ZNF548: variants seen among roughly 807,000 people sequenced by gnomAD.
ZNF548 encodes the protein zinc finger protein 548.
Under a neutral mutation model 10.2 loss-of-function variants are expected in ZNF548, and 10 were observed. That is an observed-to-expected ratio of 0.98 (90% confidence interval 0.60 to 1.66). The LOEUF is 1.66. Among genes scored for constraint, ZNF548 ranks in the 40% most tolerant of loss-of-function variants. The probability of loss-of-function intolerance (pLI) is 0.00; values close to 1 mark genes in which losing one functional copy is unlikely to be tolerated. For synonymous variants in ZNF548, 217 were observed against 223.5 expected, an observed-to-expected ratio of 0.97 and a Z score of 0.26; for missense variants, 599 against 657.0, an observed-to-expected ratio of 0.91 and a Z score of 0.97.
intron 2 of ZNF548, among the ~76,000 whole-genome samples, chr19:57,396,478 G>T (rs2123042493): frequency 6.6e-6 from 1 of 152,356 alleles, no homozygotes; most frequent in East Asian, 1.9e-4. Context: ...ATTGAGCAAG[G>T]AATGGAGGCG....
chr19:57,399,596 A>C lies in ZNF548; in HGVS notation c.1345A>C (p.Ile449Leu), dbSNP rs1315292951. 1.2e-6 allele frequency: 2 copies of C among 1,613,664 alleles called. No homozygotes were observed. The highest frequency in any genetic ancestry group is 2.7e-5 in the African/African-American group (2 of 74,794). ...GKFFRYNSNL[I>L]KHWRNHTGER... ...ATTCTTTCGTTACAACTCCAACCTC[A>C]TTAAACATTGGAGAAATCACACTGG... The change falls in exon 4 of 4, where the codon ATT becomes CTT. Residue 449 changes from isoleucine to leucine, a missense_variant. Ile to Leu is a conservative substitution (Grantham distance 5). Coordinates refer to ENST00000336128, the MANE Select transcript of ZNF548 (RefSeq NM_001172773.2). The surrounding 1 kb of genome is among the most constrained non-coding windows in gnomAD (Gnocchi z 4.0).
intron 1 of ZNF548, among the ~76,000 whole-genome samples, chr19:57,391,026 T>C (rs558609287): frequency 1.3e-5 from 2 of 152,266 alleles, no homozygotes; most frequent in South Asian, 4.1e-4. Context: ...ATTTGCATAG[T>C]GGTCAAGTCT....
rs1278818673 is a variant in ZNF548 at position 57,401,775 on chromosome 19, G to A, written c.*1886G>A. On this transcript the variant is annotated 3_prime_UTR_variant, in exon 4 of 4. Transcript: ENST00000336128. ...TCTTTTGGAGGCAGAGTCTTGCTCT[G>A]TCACCCAGCCTGGAGTGCAGTAGTG... 6.8e-6 allele frequency: 1 copy of A among 147,120 alleles called. No homozygotes were observed. The highest frequency in any genetic ancestry group is 1.5e-5 in the Non-Finnish European group (1 of 67,240). The allele number at this position is 147,120 out of a possible 1,614,324, so 9.1% of individuals were successfully genotyped here.
At position 57,401,770 on chromosome 19, in the gene ZNF548, G is replaced by C. The variant is rs1219897544; in HGVS notation, c.*1881G>C. ...TTTTTTCTTTTGGAGGCAGAGTCTT[G>C]CTCTGTCACCCAGCCTGGAGTGCAG... On this transcript the variant is annotated 3_prime_UTR_variant, in exon 4 of 4. Transcript: ENST00000336128. The C allele has an allele frequency of 1.4e-5, 2 of 143,172 alleles. No individual in the cohort carries two copies. Among genetic ancestry groups the C allele is most frequent in the Admixed American group, 1.4e-4 (2 of 13,972 alleles). The allele number at this position is 143,172 out of a possible 1,614,324, so 8.9% of individuals were successfully genotyped here.
chr19:57,397,624 G>A (rs911006218), intron 3 of ZNF548, among the ~76,000 whole-genome samples: 2 of 152,182 alleles, frequency 1.3e-5, no homozygotes, highest in Non-Finnish European at 2.9e-5. Context: ...AAGTTCTTAC[G>A]ATTATAGAAT....
intron 3 of ZNF548, among the ~76,000 whole-genome samples, chr19:57,397,767 A>G (rs767236596): frequency 1.3e-5 from 2 of 152,188 alleles, no homozygotes; most frequent in Non-Finnish European, 2.9e-5. Flanking sequence ...GCTCAGGGAC[A>G]TGGCCCTGGT....
chr19:57,390,189 G>A, intron 1 of ZNF548, 75 bp downstream of exon 1: 4 of 1,537,840 alleles, frequency 2.6e-6, no homozygotes, highest in South Asian at 2.3e-5. Context: ...GGCCCTGCAG[G>A]TCAGGCCCCT....
chr19:57,396,492 G>A (rs575885009), intron 2 of ZNF548, among the ~76,000 whole-genome samples: 16 of 152,198 alleles, frequency 1.1e-4, no homozygotes, highest in Non-Finnish European at 1.6e-4. Context: ...GGAGGCGTAG[G>A]GGACAGCGAT....
In ZNF548 at chr19:57,402,213, A is replaced by G. The variant is rs1395782440; in HGVS notation, c.*2324A>G. ...TCAAAATCATTTGTCCATATATGCC[A>G]TGGTTTATATGTGGATTCTCTATTT... On this transcript the variant is annotated 3_prime_UTR_variant, in exon 4 of 4. Transcript: ENST00000336128. The G allele has an allele frequency of 5.9e-5, 9 of 152,136 alleles. No individual in the cohort carries two copies. Among genetic ancestry groups the G allele is most frequent in the African/African-American group, 1.9e-4 (8 of 41,418 alleles). The allele number at this position is 152,136 out of a possible 1,614,324, so 9.4% of individuals were successfully genotyped here. A position where few individuals can be genotyped will look rare whatever the true frequency, so the allele number is the denominator to read the frequency against.
Position 57,401,473 on chromosome 19 carries a change from G to T in ZNF548, c.*1584G>T, listed in dbSNP as rs935866267. The T allele has an allele frequency of 1.3e-5, 2 of 152,104 alleles. No individual in the cohort carries two copies. Among genetic ancestry groups the T allele is most frequent in the African/African-American group, 4.8e-5 (2 of 41,404 alleles). The allele number at this position is 152,104 out of a possible 1,614,324, so 9.4% of individuals were successfully genotyped here. A position where few individuals can be genotyped will look rare whatever the true frequency, so the allele number is the denominator to read the frequency against. On this transcript the variant is annotated 3_prime_UTR_variant, in exon 4 of 4. Transcript: ENST00000336128. ...CTAATGATAATCTATATAGGAAGATGTGTGTAGGTTATATTCAAACACTAT... is the reference window on the plus strand; with the variant it reads ...CTAATGATAATCTATATAGGAAGATTTGTGTAGGTTATATTCAAACACTAT...
In ZNF548 at chr19:57,399,895, G is replaced by T; in HGVS notation, c.*6G>T. The T allele has an allele frequency of 1.3e-6, 2 of 1,564,722 alleles. No individual in the cohort carries two copies. Among genetic ancestry groups the T allele is most frequent in the Non-Finnish European group, 1.7e-6 (2 of 1,152,528 alleles). The stretch of plus-strand genomic sequence containing the variant: ...TGGAGAAAGTTTACCATTGACTATT[G>T]TAATTGGGTAGTAATGTTATATAAA... On this transcript the variant is annotated 3_prime_UTR_variant, in exon 4 of 4. Coordinates refer to ENST00000336128, the MANE Select transcript of ZNF548 (RefSeq NM_001172773.2). The surrounding 1 kb of genome is among the most constrained non-coding windows in gnomAD (Gnocchi z 4.0).
Position 57,389,921 on chromosome 19 carries a change from A to C in ZNF548, c.-179A>C. 1 of 695,448 alleles carries C rather than the reference A, an allele frequency of 1.4e-6. No homozygotes were observed. 43.1% of individuals were successfully genotyped at this position (695,448 alleles called of 1,614,324 possible). On this transcript the variant is annotated 5_prime_UTR_variant, in exon 1 of 4. It removes an upstream start codon present in the reference 5' UTR. Transcript: ENST00000336128. Reference sequence around the variant, plus strand: ...TGTGGTGTTTCACCAACTTCGGCCTATGGCTCTGTCTGACGTCACCGAAGT... The same window carrying C: ...TGTGGTGTTTCACCAACTTCGGCCTCTGGCTCTGTCTGACGTCACCGAAGT...
chr19:57,397,232 C>T lies in ZNF548; in HGVS notation c.178+58C>T, dbSNP rs753195906. ...TTAGGCTGTGTTACCCCTTTTTACC[C>T]AAAGGCAGCTCTGCGTTTCCCACAG... is the stretch of plus-strand genomic sequence containing the variant. On this transcript the variant is annotated intron_variant, in intron 3 of 3. Transcript: ENST00000336128. 8.7e-6 allele frequency: 13 copies of T among 1,494,752 alleles called. No homozygotes were observed. The South Asian group carries it at 1.9e-4, about 21-fold the overall frequency. 92.6% of individuals were successfully genotyped at this position (1,494,752 alleles called of 1,614,324 possible).
At chr19:57,390,556 G>A (rs369475697) in intron 1 of ZNF548, 1 of 163,110 alleles carries the variant, frequency 6.1e-6, no homozygotes. Context: ...ATTATGGTTG[G>A]GGCTGGACCA....
intron 3 of ZNF548, chr19:57,397,448 C>T (rs1272506901): frequency 1.4e-5 from 6 of 434,102 alleles, no homozygotes; most frequent in Non-Finnish European, 2.0e-5. Flanking sequence ...TTGTCTGTCC[C>T]TGGTCAGGTT....
intron 1 of ZNF548, chr19:57,390,410 A>G (rs1215431082): frequency 5.6e-6 from 2 of 357,194 alleles, no homozygotes; most frequent in Non-Finnish European, 1.0e-5. Flanking sequence ...GCCAGTAACC[A>G]TGGAAGGTTG....
In ZNF548 at chr19:57,399,521, C is replaced by CAG; in HGVS notation, c.1275_1276dup (p.Val426GlufsTer96). The CAG allele has an allele frequency of 6.2e-7, 1 of 1,613,924 alleles. No individual in the cohort carries two copies. Among genetic ancestry groups the CAG allele is most frequent in the East Asian group, 2.2e-5 (1 of 44,864 alleles). ...GTACCACTGCAGGCTCATTAGACAC[C>CAG]AGAGAGTCCACACGGGAGAAAGGCC... On this transcript the variant is annotated frameshift_variant, in exon 4 of 4. Coordinates refer to ENST00000336128, the MANE Select transcript of ZNF548 (RefSeq NM_001172773.2). LOFTEE classifies it low-confidence loss of function (END_TRUNC). This position sits in a 1 kb window ranked among gnomAD's most constrained non-coding sequence, Gnocchi z 4.0.
Position 57,399,426 on chromosome 19 carries a change from T to A in ZNF548, c.1175T>A (p.Leu392His), listed in dbSNP as rs769818800. 1 of 1,614,160 alleles carries A rather than the reference T, an allele frequency of 6.2e-7. No homozygotes were observed. The highest frequency in any genetic ancestry group is 1.1e-5 in the South Asian group (1 of 91,082). ...CGELFRYNSS[L>H]VKHWRNHTGE... ...GAATTGTTTAGGTACAACTCCAGCC[T>A]TGTTAAACATTGGAGAAATCACACT... The change falls in exon 4 of 4, where the codon CTT becomes CAT. Residue 392 changes from leucine to histidine, a missense_variant. Coordinates refer to ENST00000336128, the MANE Select transcript of ZNF548 (RefSeq NM_001172773.2). This position sits in a 1 kb window ranked among gnomAD's most constrained non-coding sequence, Gnocchi z 4.0.
At chr19:57,396,576 C>G (rs2088666366) in intron 2 of ZNF548, among the ~76,000 whole-genome samples, 1 of 152,198 alleles carries the variant, frequency 6.6e-6, no homozygotes, top group African/African-American at 2.4e-5. Context: ...GTGATTGATG[C>G]TGGGGACAGG....
Sources: allele counts gnomAD v4.1 joint callset (sites outside exome capture counted in the v4.1 genomes callset), GRCh38; gene constraint gnomAD v4.1.1; non-coding constraint Gnocchi (gnomAD v3.1); transcripts MANE v1.5; gene names NCBI Gene and HGNC (gene_info 2026-07-23, HGNC 2026-07-21).